The following PDE1C variants were observed in gnomAD, a reference collection of about 807,000 sequenced individuals.
PDE1C encodes the protein phosphodiesterase 1C.
In PDE1C, 62 loss-of-function variants were observed where a neutral mutation model predicts 93.1. The ratio of observed to expected loss-of-function variants is 0.67; its 90% CI spans 0.54 to 0.82. The LOEUF is 0.82. Ranked by LOEUF, PDE1C falls within the 40% of genes least tolerant of loss-of-function variation. The pLI is 0.00. For missense variants in PDE1C, 742 were observed against 884.6 expected (o/e 0.84, Z 2.04); for synonymous variants, 325 against 310.1 (o/e 1.05, Z -0.50).
intron 2 of PDE1C, among the ~76,000 whole-genome samples, chr7:31,920,882 C>T (rs1007304810): frequency 6.6e-6 from 1 of 152,184 alleles, no homozygotes; most frequent in African/African-American, 2.4e-5. Context: ...GTAGTCAAGT[C>T]TCCATCCTAA....
the PDE1C span, among the ~76,000 whole-genome samples, chr7:31,710,300 T>C: frequency 0.038 from 5,766 of 152,278 alleles, 384 homozygotes; most frequent in African/African-American, 0.13. Flanking sequence ...GAACCCAGGC[T>C]ACCTGAAATG....
chr7:31,908,263 T>C (rs1296403565), intron 2 of PDE1C, among the ~76,000 whole-genome samples: 2 of 152,200 alleles, frequency 1.3e-5, no homozygotes, highest in East Asian at 1.9e-4. Context: ...AAACAGTCAA[T>C]AGTGTTTTCT....
At chr7:31,982,388 A>T (rs539683805) in intron 2 of PDE1C, among the ~76,000 whole-genome samples, 3 of 152,366 alleles carry the variant, frequency 2.0e-5, no homozygotes, top group African/African-American at 7.2e-5. Context: ...CAAACCATGA[A>T]TTTAATGCCA....
the PDE1C span, chr7:31,695,875 C>T: frequency 3.4e-6 from 1 of 296,654 alleles, no homozygotes; most frequent in Non-Finnish European, 6.2e-6. Context: ...AGGAGGCAAG[C>T]TCTGCTTCAA....
At chr7:31,896,176 G>A (rs1799308284) in intron 2 of PDE1C, among the ~76,000 whole-genome samples, 1 of 152,120 alleles carries the variant, frequency 6.6e-6, no homozygotes, top group Non-Finnish European at 1.5e-5. Flanking sequence ...CTCCTTAGTG[G>A]CAGGCAGGGC....
At chr7:31,712,689 G>A in the PDE1C span, among the ~76,000 whole-genome samples, 1 of 152,140 alleles carries the variant, frequency 6.6e-6, no homozygotes, top group Non-Finnish European at 1.5e-5. Context: ...ACCCAAGACT[G>A]GGAAGAAAAA....
intron 1 of PDE1C, among the ~76,000 whole-genome samples, chr7:32,254,283 G>C (rs1048005944): frequency 3.3e-5 from 5 of 152,178 alleles, no homozygotes; most frequent in African/African-American, 9.7e-5. Flanking sequence ...CCTATGTTAT[G>C]CAGGTGAGGA....
chr7:32,116,387 T>C (rs1042930217), intron 3 of PDE1C, among the ~76,000 whole-genome samples: 1 of 152,132 alleles, frequency 6.6e-6, no homozygotes, highest in African/African-American at 2.4e-5. Context: ...ACACCTGCTA[T>C]TCTCGGGGGA....
chr7:32,008,539 T>C (rs751771854), intron 2 of PDE1C, among the ~76,000 whole-genome samples: 14 of 152,300 alleles, frequency 9.2e-5, no homozygotes, highest in South Asian at 4.2e-4. Flanking sequence ...CACTATTTCA[T>C]AGGTCACCAA....
At chr7:31,736,004 C>A in the PDE1C span, among the ~76,000 whole-genome samples, 1 of 152,286 alleles carries the variant, frequency 6.6e-6, no homozygotes, top group Admixed American at 6.5e-5. Flanking sequence ...TACACATTCA[C>A]GTGGATTCAA....
intron 1 of PDE1C, among the ~76,000 whole-genome samples, chr7:32,245,751 C>T (rs1246862227): frequency 6.6e-6 from 1 of 152,152 alleles, no homozygotes; most frequent in Non-Finnish European, 1.5e-5. Context: ...GATTCAGCAT[C>T]TGGAGAGGGC....
At chr7:31,942,348 C>T (rs759625178) in intron 2 of PDE1C, among the ~76,000 whole-genome samples, 12 of 152,086 alleles carry the variant, frequency 7.9e-5, no homozygotes, top group Non-Finnish European at 1.3e-4. Context: ...CCCTAAACTG[C>T]CTTTTATCAT....
At chr7:32,216,004 G>A (rs1306758711) in intron 1 of PDE1C, among the ~76,000 whole-genome samples, 1 of 152,166 alleles carries the variant, frequency 6.6e-6, no homozygotes, top group Middle Eastern at 3.2e-3. Context: ...TGCAATGCCA[G>A]GCAACACAGA....
At chr7:32,366,942 T>C (rs982903876) in intron 1 of PDE1C, among the ~76,000 whole-genome samples, 4 of 150,798 alleles carry the variant, frequency 2.7e-5, no homozygotes, top group African/African-American at 9.8e-5. Context: ...GGCAGGATAA[T>C]GGTGTGAACC....
intron 9 of PDE1C, among the ~76,000 whole-genome samples, chr7:31,844,027 T>C (rs1792235490): frequency 2.6e-5 from 4 of 151,832 alleles, no homozygotes; most frequent in Admixed American, 2.6e-4. Flanking sequence ...CTGGTCTTTA[T>C]GTTATCATTG....
the PDE1C span, among the ~76,000 whole-genome samples, chr7:31,690,080 G>T: frequency 3.9e-5 from 6 of 152,112 alleles, no homozygotes; most frequent in Non-Finnish European, 8.8e-5. Context: ...TCAATTCATC[G>T]GCCAGAGACA....
chr7:31,768,340 G>A (rs528646336), intron 17 of PDE1C, among the ~76,000 whole-genome samples: 4 of 152,276 alleles, frequency 2.6e-5, no homozygotes, highest in South Asian at 2.1e-4. Context: ...GTCTGTAAGC[G>A]GCCCAGACTC....
At chr7:32,266,687 G>A (rs986360177) in intron 1 of PDE1C, among the ~76,000 whole-genome samples, 4 of 152,088 alleles carry the variant, frequency 2.6e-5, no homozygotes, top group African/African-American at 4.8e-5. Flanking sequence ...AGACAGAATG[G>A]TCAGTGCAGG....
At chr7:32,217,772 C>T (rs894119071) in intron 1 of PDE1C, among the ~76,000 whole-genome samples, 1 of 152,196 alleles carries the variant, frequency 6.6e-6, no homozygotes, top group African/African-American at 2.4e-5. Context: ...TCATTCAACA[C>T]ATAGAACATA....
Sources: gnomAD v4.1 joint callset for allele counts (sites outside exome capture counted in the v4.1 genomes callset) on GRCh38, gnomAD v4.1.1 for gene constraint, MANE v1.5 for transcripts, NCBI Gene and HGNC (gene_info 2026-07-23, HGNC 2026-07-21) for gene names.